CCNG2: variants seen among roughly 807,000 people sequenced by gnomAD.
CCNG2 encodes the protein cyclin G2.
CCNG2 carries 20 observed loss-of-function variants against 36.5 expected under a neutral mutation model. That is an observed-to-expected ratio of 0.55 (90% confidence interval 0.39 to 0.80). The LOEUF is 0.80. Among genes scored for constraint, CCNG2 ranks in the 30% least tolerant of loss-of-function variants. CCNG2 has a pLI of 0.00. For missense variants in CCNG2, 358 were observed against 390.8 expected (o/e 0.92, Z 0.71); for synonymous variants, 155 against 140.1 (o/e 1.11, Z -0.75).
At position 77,164,485 on chromosome 4, in the gene CCNG2, C is replaced by T; in HGVS notation, c.911+6C>T. ...TGTTTTGATGAAAGTGAAAGGTAGG[C>T]AGGTTCCTTGACTAATTAAACTTCC... On this transcript the variant is annotated splice_donor_region_variant and intron_variant, in intron 7 of 7. Coordinates refer to ENST00000316355, the MANE Select transcript of CCNG2 (RefSeq NM_004354.3). 13 of 1,609,644 alleles carry T rather than the reference C, an allele frequency of 8.1e-6. No homozygotes were observed. The highest frequency in any genetic ancestry group is 1.1e-5 in the Non-Finnish European group (13 of 1,176,110).
At position 77,168,289 on chromosome 4, in the gene CCNG2, C is replaced by CT. The variant is rs1462455402; in HGVS notation, c.*2370dup. ...CACTGTTTATATCTCTCTGTCCCCC[C>CT]TTTTTCTGCCATTGGCATGGTTTAG... is the stretch of plus-strand genomic sequence containing the variant. On this transcript the variant is annotated 3_prime_UTR_variant, in exon 8 of 8. Coordinates refer to ENST00000316355, the MANE Select transcript of CCNG2 (RefSeq NM_004354.3). 4 of 152,208 alleles carry CT rather than the reference C, an allele frequency of 2.6e-5. No homozygotes were observed. The highest frequency in any genetic ancestry group is 2.0e-4 in the Admixed American group (3 of 15,280). 9.4% of individuals were successfully genotyped at this position (152,208 alleles called of 1,614,324 possible).
Position 77,169,956 on chromosome 4 carries a change from G to A in CCNG2, c.*4032G>A, listed in dbSNP as rs1040965987. On this transcript the variant is annotated 3_prime_UTR_variant, in exon 8 of 8. Transcript: ENST00000316355. The stretch of plus-strand genomic sequence containing the variant: ...GTGATTATCTCTGGTGAGATTACAG[G>A]TGATGTTTTTTTTAAGTTATGCCTA... 1 of 152,088 alleles carries A rather than the reference G, an allele frequency of 6.6e-6. No homozygotes were observed. Among genetic ancestry groups the A allele is most frequent in the African/African-American group, 2.4e-5 (1 of 41,378 alleles). 9.4% of individuals were successfully genotyped at this position (152,088 alleles called of 1,614,324 possible).
chr4:77,161,099 C>CTTTTTTTTTTTTT lies in CCNG2; in HGVS notation c.527+135_527+147dup, dbSNP rs34505988. On this transcript the variant is annotated intron_variant, in intron 4 of 7. Transcript: ENST00000316355. ...TTCAACTTTGACTTTATTGGTAAAT[C>CTTTTTTTTTTTTT]TTTTTTTTTTTTTTTTTTTGGAGAA... The CTTTTTTTTTTTTT allele has an allele frequency of 8.8e-5, 27 of 307,794 alleles. 1 individual carries two copies. The highest frequency in any genetic ancestry group is 5.6e-4 in the African/African-American group (18 of 32,012). 19.1% of individuals were successfully genotyped at this position (307,794 alleles called of 1,614,324 possible). A position where few individuals can be genotyped will look rare whatever the true frequency, so the allele number is the denominator to read the frequency against.
chr4:77,160,607 G>T, intron 3 of CCNG2, 114 bp from the exon 4 acceptor site: 2 of 1,062,898 alleles, frequency 1.9e-6, no homozygotes, highest in East Asian at 2.5e-5. Context: ...GTACATATAA[G>T]AGAAACAACT....
chr4:77,168,649 G>C lies in CCNG2; in HGVS notation c.*2725G>C, dbSNP rs1404272878. ...TAGCAGCATGGAGACCAGTCTGACT[G>C]AACTAAGGCAGTGGAAGTGTGGATG... On this transcript the variant is annotated 3_prime_UTR_variant, in exon 8 of 8. Coordinates refer to ENST00000316355, the MANE Select transcript of CCNG2 (RefSeq NM_004354.3). 6.6e-6 allele frequency: 1 copy of C among 152,162 alleles called. No homozygotes were observed. The highest frequency in any genetic ancestry group is 1.5e-5 in the Non-Finnish European group (1 of 68,092). The allele number at this position is 152,162 out of a possible 1,614,324, so 9.4% of individuals were successfully genotyped here. A position where few individuals can be genotyped will look rare whatever the true frequency, so the allele number is the denominator to read the frequency against.
At chr4:77,161,046 A>C in intron 4 of CCNG2, 75 bp downstream of exon 4, 2 of 1,091,754 alleles carry the variant, frequency 1.8e-6, no homozygotes, top group Non-Finnish European at 2.6e-6. Context: ...AATGGCAATG[A>C]AATTTATATT....
Position 77,157,228 on chromosome 4 carries a change from CTCGGGG to C in CCNG2, c.-278_-273del, listed in dbSNP as rs1560420364. On this transcript the variant is annotated 5_prime_UTR_variant, in exon 1 of 8. Transcript: ENST00000316355. ...CGAAACTCTTAACAAAAACAAGGGG[CTCGGGG>C]AGGTTTCCGCTGAGGCGGCGGGGGT... 1.3e-5 allele frequency: 2 copies of C among 152,318 alleles called. No individual in the cohort carries two copies. The highest frequency in any genetic ancestry group is 3.9e-4 in the East Asian group (2 of 5,164). 9.4% of individuals were successfully genotyped at this position (152,318 alleles called of 1,614,324 possible).
rs758986160 is a variant in CCNG2, at chr4:77,158,538, G to A, written c.6G>A (p.Lys2=). ...GTGTGGTGTCTTTACTGCAGATGAAGGATTTGGGGGCAGAGCACTTGGCAG... is the reference window on the plus strand; with the variant it reads ...GTGTGGTGTCTTTACTGCAGATGAAAGATTTGGGGGCAGAGCACTTGGCAG... M[K]DLGAEHLAGH... is the part of the protein sequence containing the mutation. The change falls in exon 2 of 8, where the codon AAG becomes AAA. Residue 2 remains lysine (K), a synonymous_variant. Coordinates refer to ENST00000316355, the MANE Select transcript of CCNG2 (RefSeq NM_004354.3). 2 of 1,614,172 alleles carry A rather than the reference G, an allele frequency of 1.2e-6. No homozygotes were observed. Among genetic ancestry groups the A allele is most frequent in the South Asian group, 1.1e-5 (1 of 91,082 alleles).
intron 3 of CCNG2, 124 bp from the exon 4 acceptor site, chr4:77,160,597 G>A: frequency 1.1e-6 from 1 of 898,380 alleles, no homozygotes; most frequent in Non-Finnish European, 1.7e-6. Flanking sequence ...TAAAGAGCCA[G>A]TACATATAAG....
chr4:77,158,564 G>T lies in CCNG2; in HGVS notation c.32G>T (p.Gly11Val). 6.2e-7 allele frequency: 1 copy of T among 1,614,174 alleles called. No homozygotes were observed. The highest frequency in any genetic ancestry group is 1.1e-5 in the South Asian group (1 of 91,088). MKDLGAEHLA[G>V]HEGVQLLGLL... is the part of the protein sequence containing the mutation. ...GATTTGGGGGCAGAGCACTTGGCAGGTCATGAAGGGGTCCAACTTCTCGGG... is the reference window on the plus strand; with the variant it reads ...GATTTGGGGGCAGAGCACTTGGCAGTTCATGAAGGGGTCCAACTTCTCGGG... The change falls in exon 2 of 8, where the codon GGT becomes GTT. Residue 11 changes from glycine (G) to valine (V), a missense_variant. Physicochemically the swap from Gly to Val is moderately radical, Grantham distance 109. Transcript: ENST00000316355.
chr4:77,160,648 T>C, intron 3 of CCNG2, 73 bp from the exon 4 acceptor site: 2 of 1,424,614 alleles, frequency 1.4e-6, no homozygotes, highest in South Asian at 2.6e-5. Flanking sequence ...AATAGGAGCA[T>C]CATTACAATA....
In CCNG2 at chr4:77,166,047, T is replaced by C. The variant is rs1220907185; in HGVS notation, c.*123T>C. 3 of 877,232 alleles carry C rather than the reference T, an allele frequency of 3.4e-6. No individual in the cohort carries two copies. Among genetic ancestry groups the C allele is most frequent in the Non-Finnish European group, 5.0e-6 (3 of 598,626 alleles). The allele number at this position is 877,232 out of a possible 1,614,324, so 54.3% of individuals were successfully genotyped here. A position where few individuals can be genotyped will look rare whatever the true frequency, so the allele number is the denominator to read the frequency against. On this transcript the variant is annotated 3_prime_UTR_variant, in exon 8 of 8. Coordinates refer to ENST00000316355, the MANE Select transcript of CCNG2 (RefSeq NM_004354.3). ...TTAATATACTGGAATACCTACCTTCTATTTGTTATTCAGATCAGATCTGGC... is the reference window on the plus strand; with the variant it reads ...TTAATATACTGGAATACCTACCTTCCATTTGTTATTCAGATCAGATCTGGC...
Position 77,169,759 on chromosome 4 carries a change from G to T in CCNG2, c.*3835G>T, listed in dbSNP as rs1273070969. 1 of 152,200 alleles carries T rather than the reference G, an allele frequency of 6.6e-6. No individual in the cohort carries two copies. The highest frequency in any genetic ancestry group is 1.5e-5 in the Non-Finnish European group (1 of 68,064). 9.4% of individuals were successfully genotyped at this position (152,200 alleles called of 1,614,324 possible). A position where few individuals can be genotyped will look rare whatever the true frequency, so the allele number is the denominator to read the frequency against. On this transcript the variant is annotated 3_prime_UTR_variant, in exon 8 of 8. Transcript: ENST00000316355. ...GCCTTAAGCTCCCAGCTGAATGTGG[G>T]TGTATCCTCAGCTACACCACAGAAA...
chr4:77,160,251 T>C (rs566845842), intron 3 of CCNG2, among the ~76,000 whole-genome samples: 3 of 151,914 alleles, frequency 2.0e-5, no homozygotes, highest in Non-Finnish European at 4.4e-5. Flanking sequence ...ATGAATTTCA[T>C]AAGTCTGAAA....
In CCNG2 at chr4:77,168,942, T is replaced by C. The variant is rs1021819013; in HGVS notation, c.*3018T>C. ...GTTTTGATCCTGTCATTTTCTAGGATGTGGTGCACGCACTTTGCTGTTGCG... is the reference window on the plus strand; with the variant it reads ...GTTTTGATCCTGTCATTTTCTAGGACGTGGTGCACGCACTTTGCTGTTGCG... On this transcript the variant is annotated 3_prime_UTR_variant, in exon 8 of 8. Coordinates refer to ENST00000316355, the MANE Select transcript of CCNG2 (RefSeq NM_004354.3). 13 of 152,286 alleles carry C rather than the reference T, an allele frequency of 8.5e-5. No individual in the cohort carries two copies. The highest frequency in any genetic ancestry group is 3.1e-4 in the African/African-American group (13 of 41,442). 9.4% of individuals were successfully genotyped at this position (152,286 alleles called of 1,614,324 possible). A position where few individuals can be genotyped will look rare whatever the true frequency, so the allele number is the denominator to read the frequency against.
chr4:77,160,705 C>G lies in CCNG2; in HGVS notation c.277-16C>G. ...AAGTGACAGTTGTTAAAAGAAGCCT[C>G]TTGTTTTTTTCTCAGGTGAAACCTA... On this transcript the variant is annotated splice_polypyrimidine_tract_variant and intron_variant, in intron 3 of 7. Transcript: ENST00000316355. The G allele has an allele frequency of 6.2e-7, 1 of 1,604,370 alleles. No individual in the cohort carries two copies. Among genetic ancestry groups the G allele is most frequent in the Non-Finnish European group, 8.5e-7 (1 of 1,176,296 alleles).
At position 77,161,483 on chromosome 4, in the gene CCNG2, A is replaced by G. The variant is rs1731434883; in HGVS notation, c.531A>G (p.Lys177=). 1 of 1,589,864 alleles carries G rather than the reference A, an allele frequency of 6.3e-7. No homozygotes were observed. Among genetic ancestry groups the G allele is most frequent in the Non-Finnish European group, 8.6e-7 (1 of 1,168,788 alleles). ...CTTTGTTCTTTGCATTGTATAGGAAAGAAATACTGAGCCTTGATAAACTAG... is the reference window on the plus strand; with the variant it reads ...CTTTGTTCTTTGCATTGTATAGGAAGGAAATACTGAGCCTTGATAAACTAG... ...TIILCHTSER[K]EILSLDKLEA... The change falls in exon 5 of 8, where the codon AAA becomes AAG. Residue 177 remains lysine, a synonymous_variant. Transcript: ENST00000316355.
rs921932405 is a variant in CCNG2 at position 77,163,625 on chromosome 4, G to A, written c.706-649G>A. ...AGTGATAGCTGGAACCATCTTCAGT[G>A]AAAATTGATTCGTTGAAATAAACTG... On this transcript the variant is annotated intron_variant, in intron 6 of 7. Transcript: ENST00000316355. Among the ~76,000 whole-genome samples the A allele has an allele frequency of 2.0e-5, 3 of 152,262 alleles. No homozygotes were observed. In the East Asian group the frequency reaches 5.8e-4, roughly 29 times the overall value.
chr4:77,158,770 T>A, intron 2 of CCNG2, 100 bp downstream of exon 2: 1 of 1,266,530 alleles, frequency 7.9e-7, no homozygotes, highest in South Asian at 1.4e-5. Context: ...CTGCAAAATT[T>A]CTTAAAAGTT....
Sources: gnomAD v4.1 joint callset for allele counts (sites outside exome capture counted in the v4.1 genomes callset) on GRCh38, gnomAD v4.1.1 for gene constraint, MANE v1.5 for transcripts, NCBI Gene and HGNC (gene_info 2026-07-23, HGNC 2026-07-21) for gene names.